FBN2: variants seen among roughly 807,000 people sequenced by gnomAD.
FBN2 encodes the protein fibrillin 2.
In FBN2, 105 loss-of-function variants were observed where a neutral mutation model predicts 355.6. The ratio of observed to expected loss-of-function variants is 0.30; its 90% confidence interval spans 0.25 to 0.35. FBN2 has a LOEUF of 0.35. Among genes scored for constraint, FBN2 ranks in the 10% least tolerant of loss-of-function variants. The pLI is 1.00. For missense variants in FBN2, 3,280 were observed against 3,758.7 expected (o/e 0.87, Z 3.33); for synonymous variants, 1,350 against 1,301.2 (o/e 1.04, Z -0.81).
At position 128,337,853 on chromosome 5, in the gene FBN2, T is replaced by C; in HGVS notation, c.3598+144A>G. On this transcript the variant is annotated intron_variant, in intron 27 of 64. Transcript: ENST00000262464. ...CCAAGCATCCACTAAAGACACAGCC[T>C]GCATCCAGATGTAGGGAATCTCAAT... The C allele has an allele frequency of 3.5e-6, 3 of 849,476 alleles. 1 individual carries two copies. In the South Asian group the frequency reaches 4.4e-5, roughly 12 times the overall value. The allele number at this position is 849,476 out of a possible 1,614,324, so 52.6% of individuals were successfully genotyped here. A position where few individuals can be genotyped will look rare whatever the true frequency, so the allele number is the denominator to read the frequency against.
chr5:128,421,154 G>A (rs577751364), intron 7 of FBN2, among the ~76,000 whole-genome samples: 1 of 152,330 alleles, frequency 6.6e-6, no homozygotes, highest in East Asian at 1.9e-4. Flanking sequence ...AAAGTTAAGT[G>A]ACAGGCCTAG....
chr5:128,427,507 T>C (rs527426670), intron 7 of FBN2, among the ~76,000 whole-genome samples: 1 of 152,308 alleles, frequency 6.6e-6, no homozygotes, highest in South Asian at 2.1e-4. Flanking sequence ...TCTTCTAAAG[T>C]TCTTCTTGAG....
intron 5 of FBN2, among the ~76,000 whole-genome samples, chr5:128,496,844 G>A (rs1248075315): frequency 6.6e-6 from 1 of 151,596 alleles, no homozygotes; most frequent in Non-Finnish European, 1.5e-5. Flanking sequence ...GAATTAACAA[G>A]TTCTGCAAGA....
chr5:128,435,630 G>A (rs527368340), intron 7 of FBN2, among the ~76,000 whole-genome samples: 2 of 152,100 alleles, frequency 1.3e-5, no homozygotes, highest in African/African-American at 4.8e-5. Context: ...ATGGACATTT[G>A]GGTCCCAAAT....
At chr5:128,422,258 C>G (rs1195483947) in intron 7 of FBN2, among the ~76,000 whole-genome samples, 1 of 152,046 alleles carries the variant, frequency 6.6e-6, no homozygotes, top group Admixed American at 6.6e-5. Flanking sequence ...CAAAAAGAAA[C>G]TAGTATGTTG....
At chr5:128,364,559 C>T in intron 18 of FBN2, 41 bp downstream of exon 18, 1 of 1,584,730 alleles carries the variant, frequency 6.3e-7, no homozygotes, top group Non-Finnish European at 8.7e-7. Context: ...TGGGATTAAA[C>T]TATATGAAAT....
chr5:128,401,529 T>C (rs1165972854), intron 8 of FBN2, among the ~76,000 whole-genome samples: 6 of 152,164 alleles, frequency 3.9e-5, no homozygotes, highest in Non-Finnish European at 8.8e-5. Context: ...ACACCTGTAA[T>C]CCCAGCACTT....
At chr5:128,479,370 C>G (rs1332297679) in intron 5 of FBN2, among the ~76,000 whole-genome samples, 7 of 152,164 alleles carry the variant, frequency 4.6e-5, no homozygotes, top group Non-Finnish European at 7.4e-5. Flanking sequence ...GAAATAGTGA[C>G]ACGTGTGTAT....
At chr5:128,507,974 C>A (rs1282029535) in intron 5 of FBN2, among the ~76,000 whole-genome samples, 1 of 151,968 alleles carries the variant, frequency 6.6e-6, no homozygotes, top group Non-Finnish European at 1.5e-5. Context: ...ACACTTAGAA[C>A]CATCACATCT....
rs191476165 is a variant in FBN2 at position 128,392,743 on chromosome 5, G to A, written c.1465+392C>T. 2.0e-3 allele frequency among the ~76,000 whole-genome samples: 297 copies of A among 152,178 alleles called. 2 individuals are homozygous for A. The highest frequency in any genetic ancestry group is 6.5e-3 in the African/African-American group (269 of 41,508). On this transcript the variant is annotated intron_variant, in intron 10 of 64. Transcript: ENST00000262464. Reference sequence around the variant, plus strand: ...AATGGTTCTGGAAAATAATTCAAGGGGTGCATGAACAGGGCAGCTTTAAAC... The same window carrying A: ...AATGGTTCTGGAAAATAATTCAAGGAGTGCATGAACAGGGCAGCTTTAAAC...
intron 48 of FBN2, among the ~76,000 whole-genome samples, chr5:128,294,746 T>C (rs969379001): frequency 1.3e-5 from 2 of 151,358 alleles, no homozygotes; most frequent in African/African-American, 4.9e-5. Flanking sequence ...TAGCCCTTTG[T>C]CAGAGTAGGT....
chr5:128,393,109 A>G, intron 10 of FBN2, 26 bp downstream of exon 10: 1 of 1,531,070 alleles, frequency 6.5e-7, no homozygotes, highest in Non-Finnish European at 9.1e-7. Context: ...GAAACTAAAG[A>G]GTCCACAGGA....
At chr5:128,495,257 C>G (rs1755625041) in intron 5 of FBN2, among the ~76,000 whole-genome samples, 1 of 151,518 alleles carries the variant, frequency 6.6e-6, no homozygotes, top group African/African-American at 2.4e-5. Flanking sequence ...ATTTGAAAAG[C>G]AGAGGAAAAA....
At chr5:128,310,392 ATATATATATATTTTTTTTTTTT>A (rs1438435039) in intron 39 of FBN2, among the ~76,000 whole-genome samples, 7 of 29,782 alleles carry the variant, frequency 2.4e-4, no homozygotes, top group African/African-American at 5.3e-4. Context: ...ATATATATAT[ATATATATATATTTTTTTTTTTT>A]TTTTTTTATT....
rs1388360889 is a variant in FBN2 at position 128,263,335 on chromosome 5, A to G, written c.8192+90T>C. Reference sequence around the variant, plus strand: ...AATGCTTTTGCGGTTTGGCTTTTAGACACTGTACTCTTCCCTGCAGTGGGG... The same window carrying G: ...AATGCTTTTGCGGTTTGGCTTTTAGGCACTGTACTCTTCCCTGCAGTGGGG... On this transcript the variant is annotated intron_variant, in intron 63 of 64. Coordinates refer to ENST00000262464, the MANE Select transcript of FBN2 (RefSeq NM_001999.4). The G allele has an allele frequency of 3.0e-6, 3 of 996,618 alleles. No homozygotes were observed. In the African/African-American group the frequency reaches 4.8e-5, roughly 16 times the overall value. 61.7% of individuals were successfully genotyped at this position (996,618 alleles called of 1,614,324 possible). A position where few individuals can be genotyped will look rare whatever the true frequency, so the allele number is the denominator to read the frequency against.
chr5:128,342,005 G>C (rs1329370194), intron 25 of FBN2, among the ~76,000 whole-genome samples: 3 of 152,170 alleles, frequency 2.0e-5, no homozygotes, highest in Admixed American at 2.0e-4. Flanking sequence ...ATAAAGTACA[G>C]GGTAGGGGGA....
At chr5:128,270,455 G>A (rs1447384089) in intron 62 of FBN2, among the ~76,000 whole-genome samples, 1 of 152,174 alleles carries the variant, frequency 6.6e-6, no homozygotes, top group Non-Finnish European at 1.5e-5. Context: ...CTTGAACCCA[G>A]GAGGCGGAGG....
intron 5 of FBN2, among the ~76,000 whole-genome samples, chr5:128,509,450 T>C (rs1756052904): frequency 6.6e-6 from 1 of 152,174 alleles, no homozygotes; most frequent in East Asian, 1.9e-4. Context: ...CATCTCTACT[T>C]AACATTTTTA....
chr5:128,375,199 G>A (rs1369069600), intron 14 of FBN2, among the ~76,000 whole-genome samples: 1 of 152,046 alleles, frequency 6.6e-6, no homozygotes, highest in African/African-American at 2.4e-5. Flanking sequence ...TTTATCAAAC[G>A]TAACCCAGCA....
Sources: gnomAD v4.1 joint callset for allele counts (sites outside exome capture counted in the v4.1 genomes callset) on GRCh38, gnomAD v4.1.1 for gene constraint, MANE v1.5 for transcripts, NCBI Gene and HGNC (gene_info 2026-07-23, HGNC 2026-07-21) for gene names.